Variants in MIGA1 observed in about 807,000 individuals in gnomAD.
MIGA1 encodes mitoguardin 1, also known as family with sequence similarity 73, member A.
In MIGA1, 58 loss-of-function variants were observed where a neutral mutation model predicts 82.0. The ratio of observed to expected loss-of-function variants is 0.71; its 90% CI spans 0.57 to 0.88. The LOEUF (loss-of-function observed/expected upper bound fraction) is 0.88. MIGA1 is among the 40% of genes least tolerant of loss of function. The pLI is 0.00. For missense variants in MIGA1, 751 were observed against 749.1 expected, an observed-to-expected ratio of 1.00 and a Z score of -0.03; for synonymous variants, 249 against 253.6, an observed-to-expected ratio of 0.98 and a Z score of 0.17.
rs1681846928 is a variant in MIGA1, at chr1:77,780,256, TTTTG to T, written c.81+521_81+524del. Reference sequence around the variant, plus strand: ...CGGGTGGTTTTGAGCAGGGAGTGGCTTTTGGATGTGAAAGATTACTCTGCTTTGC... The same window carrying T: ...CGGGTGGTTTTGAGCAGGGAGTGGCTGATGTGAAAGATTACTCTGCTTTGC... On this transcript the variant is annotated intron_variant, in intron 1 of 15. Transcript: ENST00000370791. 12 of 775,782 alleles carry T rather than the reference TTTTG, an allele frequency of 1.5e-5. No homozygotes were observed. The South Asian group carries it at 5.8e-4, about 38-fold the overall frequency. The allele number at this position is 775,782 out of a possible 1,614,324, so 48.1% of individuals were successfully genotyped here.
chr1:77,783,954 C>T (rs758544171), intron 2 of MIGA1, among the ~76,000 whole-genome samples: 1 of 152,154 alleles, frequency 6.6e-6, no homozygotes, highest in African/African-American at 2.4e-5. Flanking sequence ...AGCATAATGT[C>T]CTCAAGGTTC....
chr1:77,835,345 T>G (rs976593341), intron 7 of MIGA1, among the ~76,000 whole-genome samples: 22 of 152,190 alleles, frequency 1.4e-4, no homozygotes, highest in African/African-American at 5.3e-4. Context: ...CCAAAGAATA[T>G]CATCGTTGAT....
intron 15 of MIGA1, among the ~76,000 whole-genome samples, chr1:77,874,007 C>T (rs117509223): frequency 2.2e-4 from 33 of 152,160 alleles, no homozygotes; most frequent in East Asian, 2.1e-3. Flanking sequence ...ATCTATAAAA[C>T]GAGGGAGCCT....
At chr1:77,847,081 G>A in intron 8 of MIGA1, 1 of 783,926 alleles carries the variant, frequency 1.3e-6, no homozygotes, top group Non-Finnish European at 2.3e-6. Flanking sequence ...CAACAGTAGG[G>A]CCACGTTCAG....
intron 8 of MIGA1, among the ~76,000 whole-genome samples, chr1:77,855,368 A>G (rs529874267): frequency 6.6e-6 from 1 of 152,212 alleles, no homozygotes; most frequent in African/African-American, 2.4e-5. Flanking sequence ...TTCTTTGGCT[A>G]TGCAGGCTCT....
rs1244800071 is a variant in MIGA1 at position 77,844,121 on chromosome 1, T to A, written c.996+714T>A. Among the ~76,000 whole-genome samples, 341 of 98,774 alleles carry A rather than the reference T, an allele frequency of 3.5e-3. 1 individual carries two copies. Among genetic ancestry groups the A allele is most frequent in the Middle Eastern group, 5.4e-3 (1 of 186 alleles). 64.8% of individuals were successfully genotyped at this position (98,774 alleles called of 152,430 possible). ...GTCTTAAAAAAAAAAAAAATATATA[T>A]ATATATATATATATATAGATAGATA... On this transcript the variant is annotated intron_variant, in intron 8 of 15. Transcript: ENST00000370791.
At chr1:77,795,633 T>C (rs1288451201) in intron 2 of MIGA1, among the ~76,000 whole-genome samples, 1 of 135,518 alleles carries the variant, frequency 7.4e-6, no homozygotes, top group Non-Finnish European at 1.6e-5. Flanking sequence ...TATTACTTTC[T>C]TTTTTTTTTT....
At chr1:77,861,630 G>C (rs74092314) in intron 12 of MIGA1, 4,975 of 275,538 alleles carry the variant, frequency 0.018, 271 homozygotes, top group African/African-American at 0.11. Context: ...GACAGGAATG[G>C]TGGCCCATGC....
intron 7 of MIGA1, among the ~76,000 whole-genome samples, chr1:77,829,995 G>A (rs1684184705): frequency 6.8e-6 from 1 of 145,988 alleles, no homozygotes; most frequent in Non-Finnish European, 1.5e-5. Context: ...CTTAATTACT[G>A]TAGCTTTATA....
chr1:77,784,176 A>G (rs1294997086), intron 2 of MIGA1, among the ~76,000 whole-genome samples: 1 of 152,172 alleles, frequency 6.6e-6, no homozygotes, highest in Non-Finnish European at 1.5e-5. Flanking sequence ...TGTCAAGTGA[A>G]ATTGCTGGAT....
chr1:77,857,351 C>G (rs1557931561), intron 8 of MIGA1, among the ~76,000 whole-genome samples: 1 of 148,846 alleles, frequency 6.7e-6, no homozygotes, highest in African/African-American at 2.5e-5. Context: ...TGCTTTGTAA[C>G]TTGTATTGTA....
chr1:77,809,672 G>T (rs1570944702), intron 5 of MIGA1, among the ~76,000 whole-genome samples: 1 of 151,710 alleles, frequency 6.6e-6, no homozygotes, highest in East Asian at 1.9e-4. Context: ...GATAGTGTGA[G>T]AAAAGGATGA....
chr1:77,876,381 A>C lies in MIGA1; in HGVS notation c.*1317A>C, dbSNP rs1571033144. 6.6e-6 allele frequency: 1 copy of C among 152,248 alleles called. No individual in the cohort carries two copies. Among genetic ancestry groups the C allele is most frequent in the East Asian group, 1.9e-4 (1 of 5,196 alleles). 9.4% of individuals were successfully genotyped at this position (152,248 alleles called of 1,614,324 possible). On this transcript the variant is annotated 3_prime_UTR_variant, in exon 16 of 16. Coordinates refer to ENST00000370791, the MANE Select transcript of MIGA1 (RefSeq NM_198549.4). ...AGAAATTTACAATTTACAAATTTAT[A>C]TTAACTGTAGTTTCCAAAATATGTT...
chr1:77,815,106 A>G lies in MIGA1; in HGVS notation c.772-2A>G. 1 of 1,549,842 alleles carries G rather than the reference A, an allele frequency of 6.5e-7. No individual in the cohort carries two copies. The highest frequency in any genetic ancestry group is 8.7e-7 in the Non-Finnish European group (1 of 1,143,052). The stretch of plus-strand genomic sequence containing the variant: ...TTCTGTGTACTTTTTCTCTCCTTGT[A>G]GGATATTATTAGTACTGAATTTATC... On this transcript the variant is annotated splice_acceptor_variant, in intron 6 of 15. Coordinates refer to ENST00000370791, the MANE Select transcript of MIGA1 (RefSeq NM_198549.4). LOFTEE classifies it high-confidence loss of function.
At chr1:77,854,872 T>C (rs906412846) in intron 8 of MIGA1, among the ~76,000 whole-genome samples, 18 of 152,222 alleles carry the variant, frequency 1.2e-4, no homozygotes, top group Non-Finnish European at 2.4e-4. Context: ...AACTGGTCCT[T>C]TTGCCATGCA....
At chr1:77,796,009 C>A (rs1009398314) in intron 2 of MIGA1, among the ~76,000 whole-genome samples, 1 of 152,018 alleles carries the variant, frequency 6.6e-6, no homozygotes, top group African/African-American at 2.4e-5. Flanking sequence ...ACCTGGCTCT[C>A]ATTAACTATA....
chr1:77,791,243 T>TAAA (rs757682711), intron 2 of MIGA1, among the ~76,000 whole-genome samples: 19 of 116,934 alleles, frequency 1.6e-4, no homozygotes, highest in Admixed American at 7.4e-4. Context: ...CCCTGTCTCT[T>TAAA]AAAAAAAAAA....
intron 7 of MIGA1, among the ~76,000 whole-genome samples, chr1:77,824,628 G>T (rs1683961009): frequency 6.6e-6 from 1 of 152,168 alleles, no homozygotes; most frequent in African/African-American, 2.4e-5. Context: ...TGGTTTACTA[G>T]TAATATTTTG....
intron 8 of MIGA1, chr1:77,853,817 GGAGA>G: frequency 4.0e-6 from 1 of 247,234 alleles, no homozygotes; most frequent in South Asian, 5.8e-5. Flanking sequence ...AGGAAAGAGT[GGAGA>G]GATTCAACCA....
Sources: allele counts gnomAD v4.1 joint callset (sites outside exome capture counted in the v4.1 genomes callset), GRCh38; gene constraint gnomAD v4.1.1; transcripts MANE v1.5; gene names NCBI Gene and HGNC (gene_info 2026-07-23, HGNC 2026-07-21).